CCDC170: variants seen among roughly 807,000 people sequenced by gnomAD.
CCDC170 encodes the protein coiled-coil domain containing 170, also known as coiled-coil domain-containing protein 170.
A neutral mutation model predicts 72.6 loss-of-function variants in CCDC170; 69 were observed. The observed-to-expected ratio is 0.95, with a 90% CI of 0.78 to 1.16. CCDC170 has a LOEUF of 1.16. CCDC170 is among the 50% of genes most tolerant of loss of function. CCDC170 has a pLI of 0.00. For missense variants in CCDC170, 852 were observed against 832.5 expected, an observed-to-expected ratio of 1.02 and a Z score of -0.29; for synonymous variants, 300 against 303.9, an observed-to-expected ratio of 0.99 and a Z score of 0.13.
intron 5 of CCDC170, among the ~76,000 whole-genome samples, chr6:151,560,375 C>T (rs1026637065): frequency 6.6e-6 from 1 of 152,058 alleles, no homozygotes; most frequent in Admixed American, 6.6e-5. Flanking sequence ...TGCTTTATGA[C>T]TGAGGCATGT....
At chr6:151,528,085 C>T (rs1257715741) in intron 1 of CCDC170, among the ~76,000 whole-genome samples, 1 of 152,142 alleles carries the variant, frequency 6.6e-6, no homozygotes, top group Non-Finnish European at 1.5e-5. Flanking sequence ...CCCCGTGAGA[C>T]AATTTCAATC....
chr6:151,500,909 A>T lies in CCDC170; in HGVS notation c.57+6724A>T, dbSNP rs568456143. ...CAAAAATTTGGTAAGAGAGCTGCTAAAAGTGCTAAAATGCAAATTTGGTGA... is the reference window on the plus strand; with the variant it reads ...CAAAAATTTGGTAAGAGAGCTGCTATAAGTGCTAAAATGCAAATTTGGTGA... On this transcript the variant is annotated intron_variant, in intron 1 of 10. Transcript: ENST00000239374. Among the ~76,000 whole-genome samples the T allele has an allele frequency of 1.5e-3, 234 of 152,282 alleles. 2 individuals carry two copies. Among genetic ancestry groups the T allele is most frequent in the African/African-American group, 5.4e-3 (226 of 41,584 alleles).
rs897451528 is a variant in CCDC170, at chr6:151,588,669, G to T, written c.1293+2580G>T. Among the ~76,000 whole-genome samples the T allele has an allele frequency of 2.6e-5, 4 of 152,278 alleles. No individual in the cohort carries two copies. In the South Asian group the frequency reaches 8.3e-4, roughly 32 times the overall value. ...TTGTAAAGAAATATTGGCTGGGTTT[G>T]GTGGCTCACACCTATAATCCCAGCA... On this transcript the variant is annotated intron_variant, in intron 7 of 10. Coordinates refer to ENST00000239374, the MANE Select transcript of CCDC170 (RefSeq NM_025059.4).
chr6:151,545,327 G>C (rs1432028358), intron 4 of CCDC170, among the ~76,000 whole-genome samples: 3 of 152,042 alleles, frequency 2.0e-5, no homozygotes, highest in Non-Finnish European at 4.4e-5. Flanking sequence ...GCTGAGACAG[G>C]AGAATCACTT....
At chr6:151,540,512 A>G (rs971736668) in intron 3 of CCDC170, among the ~76,000 whole-genome samples, 2 of 148,522 alleles carry the variant, frequency 1.3e-5, no homozygotes, top group African/African-American at 4.9e-5. Flanking sequence ...CAGCCTCCCA[A>G]GTAGCTGGGA....
At chr6:151,526,069 G>GTCCTTCCTTCCTTCCTTCCTTCCTTTCT (rs1782402707) in intron 1 of CCDC170, among the ~76,000 whole-genome samples, 3 of 144,140 alleles carry the variant, frequency 2.1e-5, no homozygotes, top group Non-Finnish European at 4.4e-5. Flanking sequence ...TCTGGTACCA[G>GTCCTTCCTTCCTTCCTTCCTTCCTTTCT]TCCTTCCTTC....
At chr6:151,547,887 T>A (rs543121804) in intron 4 of CCDC170, among the ~76,000 whole-genome samples, 3 of 152,318 alleles carry the variant, frequency 2.0e-5, no homozygotes, top group East Asian at 3.9e-4. Context: ...AATATTTTTT[T>A]AAAAAGCATG....
intron 6 of CCDC170, among the ~76,000 whole-genome samples, chr6:151,584,357 G>T (rs1583037870): frequency 6.6e-6 from 1 of 152,152 alleles, no homozygotes; most frequent in East Asian, 1.9e-4. Flanking sequence ...ACCTCACAGG[G>T]AAGAGTTTTT....
chr6:151,531,565 G>C (rs368017195), intron 1 of CCDC170, among the ~76,000 whole-genome samples: 26 of 152,250 alleles, frequency 1.7e-4, no homozygotes, highest in African/African-American at 5.8e-4. Flanking sequence ...AATGTTTAGG[G>C]GGAAAACCCA....
intron 5 of CCDC170, among the ~76,000 whole-genome samples, chr6:151,572,335 G>A (rs928851491): frequency 6.6e-6 from 1 of 152,130 alleles, no homozygotes; most frequent in Non-Finnish European, 1.5e-5. Flanking sequence ...ATAGTTTTAT[G>A]CAATGATGTT....
chr6:151,576,085 G>T (rs909647647), intron 6 of CCDC170, among the ~76,000 whole-genome samples: 1 of 152,196 alleles, frequency 6.6e-6, no homozygotes, highest in African/African-American at 2.4e-5. Context: ...CTTGACGATG[G>T]TGTGAAAGTG....
At chr6:151,518,703 C>T (rs960630256) in intron 1 of CCDC170, among the ~76,000 whole-genome samples, 12 of 152,044 alleles carry the variant, frequency 7.9e-5, no homozygotes, top group Admixed American at 2.0e-4. Context: ...AAGGGTCAGG[C>T]GGCTGAGAAA....
chr6:151,572,653 T>TTTTTTTTTTG (rs570869752), intron 5 of CCDC170, among the ~76,000 whole-genome samples: 56,311 of 99,692 alleles, frequency 0.56, 15,962 homozygotes, highest in East Asian at 0.65. Flanking sequence ...CTCTGTGTTT[T>TTTTTTTTTTG]TTTTTTTTTT....
intron 9 of CCDC170, among the ~76,000 whole-genome samples, chr6:151,606,180 G>A (rs1708763772): frequency 6.6e-6 from 1 of 152,166 alleles, no homozygotes; most frequent in Non-Finnish European, 1.5e-5. Flanking sequence ...GGGATTACAG[G>A]CGTGAGCCAC....
chr6:151,588,404 G>A (rs890901417), intron 7 of CCDC170, among the ~76,000 whole-genome samples: 2 of 152,168 alleles, frequency 1.3e-5, no homozygotes, highest in African/African-American at 4.8e-5. Flanking sequence ...TAAGCAAAAA[G>A]TCCTCGCCTT....
At chr6:151,560,740 A>G (rs762398103) in intron 5 of CCDC170, among the ~76,000 whole-genome samples, 2 of 152,038 alleles carry the variant, frequency 1.3e-5, no homozygotes, top group Admixed American at 1.3e-4. Flanking sequence ...TTACTGTTGT[A>G]GGTTTAAATT....
chr6:151,548,699 A>C (rs1782820458), intron 5 of CCDC170, among the ~76,000 whole-genome samples: 1 of 143,920 alleles, frequency 6.9e-6, no homozygotes, highest in African/African-American at 2.5e-5. Context: ...TACATTTAAA[A>C]ATTTTTTAAT....
At chr6:151,541,886 A>ATATTTTT (rs1554221612) in intron 3 of CCDC170, among the ~76,000 whole-genome samples, 1 of 137,156 alleles carries the variant, frequency 7.3e-6, no homozygotes, top group African/African-American at 2.8e-5. Context: ...ATATATATAT[A>ATATTTTT]TTTTTTTTTT....
chr6:151,590,279 C>T (rs997058474), intron 7 of CCDC170, among the ~76,000 whole-genome samples: 5 of 152,048 alleles, frequency 3.3e-5, no homozygotes, highest in African/African-American at 4.8e-5. Context: ...TCTCCAGGGC[C>T]TAGAGAAAGA....
Sources: gnomAD v4.1 joint callset for allele counts (sites outside exome capture counted in the v4.1 genomes callset) on GRCh38, gnomAD v4.1.1 for gene constraint, MANE v1.5 for transcripts, NCBI Gene and HGNC (gene_info 2026-07-23, HGNC 2026-07-21) for gene names.